CEP135: variants seen among roughly 807,000 people sequenced by gnomAD.
CEP135 encodes the protein centrosomal protein 135, also known as centrosomal protein of 135 kDa.
In CEP135, 142 loss-of-function variants were observed where a neutral mutation model predicts 157.3. The observed-to-expected ratio is 0.90, with a 90% CI of 0.79 to 1.04. The LOEUF (loss-of-function observed/expected upper bound fraction) is 1.04. Among genes scored for constraint, CEP135 ranks in the 50% least tolerant of loss-of-function variants. The pLI is 0.00. For synonymous variants in CEP135, 396 were observed against 439.8 expected, an observed-to-expected ratio of 0.90 and a Z score of 1.25; for missense variants, 1,317 against 1,309.2, an observed-to-expected ratio of 1.01 and a Z score of -0.09.
Position 55,968,559 on chromosome 4 carries a change from T to C in CEP135, c.1045-504T>C, listed in dbSNP as rs1488859537. Among the ~76,000 whole-genome samples the C allele has an allele frequency of 1.3e-5, 2 of 152,158 alleles. 1 individual carries two copies. Among genetic ancestry groups the C allele is most frequent in the South Asian group, 4.1e-4 (2 of 4,830 alleles). On this transcript the variant is annotated intron_variant, in intron 8 of 25. Transcript: ENST00000257287. Reference sequence around the variant, plus strand: ...ATCCCTCTCTTTTTCCACCACCTTTTGCATCTTCTATCCTTGTGCACACAG... The same window carrying C: ...ATCCCTCTCTTTTTCCACCACCTTTCGCATCTTCTATCCTTGTGCACACAG...
At chr4:55,998,624 G>T (rs1730057606) in intron 15 of CEP135, among the ~76,000 whole-genome samples, 1 of 152,174 alleles carries the variant, frequency 6.6e-6, no homozygotes, top group Non-Finnish European at 1.5e-5. Context: ...CAGCACTTTG[G>T]GAGACCGAGG....
At chr4:55,977,849 A>G (rs1198441748) in intron 11 of CEP135, among the ~76,000 whole-genome samples, 2 of 152,218 alleles carry the variant, frequency 1.3e-5, no homozygotes, top group Non-Finnish European at 2.9e-5. Flanking sequence ...ACATCTAGTT[A>G]CCGGTGAATG....
rs1273914128 is a variant in CEP135, at chr4:55,959,763, G to A, written c.696G>A (p.Lys232=). The change falls in exon 6 of 26, where the codon AAG becomes AAA. Residue 232 remains lysine, a synonymous_variant. Coordinates refer to ENST00000257287, the MANE Select transcript of CEP135 (RefSeq NM_025009.5). The stretch of plus-strand genomic sequence containing the variant: ...AAAGTGGGGTGAGAGACTATAGCAA[G>A]CAGGTAGGATTTTTATTTACTTGCA... ...MMESGVRDYS[K]QIELREREIE... The A allele has an allele frequency of 6.2e-7, 1 of 1,612,048 alleles. No individual in the cohort carries two copies. The highest frequency in any genetic ancestry group is 8.5e-7 in the Non-Finnish European group (1 of 1,178,126).
rs538499301 is a variant in CEP135, at chr4:55,981,842, A to G, written c.1779+463A>G. On this transcript the variant is annotated intron_variant, in intron 13 of 25. Coordinates refer to ENST00000257287, the MANE Select transcript of CEP135 (RefSeq NM_025009.5). ...GGGATTACATTCCAATAAACCCATC[A>G]TAAGTAAAAAATGTAAGTCGGAAAA... Among the ~76,000 whole-genome samples, 44 of 152,328 alleles carry G rather than the reference A, an allele frequency of 2.9e-4. No individual in the cohort carries two copies. In the South Asian group the frequency reaches 8.7e-3, roughly 30 times the overall value.
At chr4:55,992,658 C>G (rs141740749) in intron 15 of CEP135, among the ~76,000 whole-genome samples, 1 of 151,884 alleles carries the variant, frequency 6.6e-6, no homozygotes, top group Non-Finnish European at 1.5e-5. Context: ...AAAAGGAGAC[C>G]GAGGATCTGG....
chr4:56,001,014 G>A (rs185055295), intron 17 of CEP135, among the ~76,000 whole-genome samples: 12 of 152,176 alleles, frequency 7.9e-5, no homozygotes, highest in Admixed American at 2.0e-4. Context: ...GTCATGTTGA[G>A]CATTTTTTCA....
At chr4:55,985,483 T>G in intron 14 of CEP135, 125 bp downstream of exon 14, 3 of 290,088 alleles carry the variant, frequency 1.0e-5, no homozygotes, top group Non-Finnish European at 1.9e-5. Context: ...TGAGATGGAG[T>G]CTCGCTCTGT....
At chr4:56,023,747 T>G (rs1304534713) in intron 24 of CEP135, among the ~76,000 whole-genome samples, 2 of 142,894 alleles carry the variant, frequency 1.4e-5, no homozygotes, top group Non-Finnish European at 3.0e-5. Context: ...ATATAGTATA[T>G]CATATATAGT....
At chr4:55,971,433 A>G (rs766290384) in intron 10 of CEP135, 25 bp downstream of exon 10, 3 of 1,575,142 alleles carry the variant, frequency 1.9e-6, no homozygotes, top group South Asian at 1.2e-5. Context: ...TTTGATAGCT[A>G]AAGAATGATT....
intron 17 of CEP135, among the ~76,000 whole-genome samples, chr4:56,007,692 G>T (rs1425295376): frequency 6.6e-6 from 1 of 152,098 alleles, no homozygotes; most frequent in Non-Finnish European, 1.5e-5. Context: ...CACTTTTTCC[G>T]GTGTAGAAAC....
rs773540363 is a variant in CEP135, at chr4:56,017,763, A to G, written c.2918A>G (p.Asp973Gly). The G allele has an allele frequency of 6.2e-7, 1 of 1,613,976 alleles. No homozygotes were observed. Among genetic ancestry groups the G allele is most frequent in the South Asian group, 1.1e-5 (1 of 91,078 alleles). Reference protein sequence around the residue: ...QEDEKATVLNDLSSLRELCIK... With the variant: ...QEDEKATVLNGLSSLRELCIK... ...GATGAGAAAGCAACAGTATTAAATG[A>G]CTTGTCATCTCTTAGAGAACTTTGC... Residue 973 changes from aspartate to glycine, a missense_variant, in exon 22 of 26, where the codon GAC (aspartate) becomes GGC (glycine). Asp to Gly is a moderately conservative substitution (Grantham distance 94, BLOSUM62 -1). Coordinates refer to ENST00000257287, the MANE Select transcript of CEP135 (RefSeq NM_025009.5).
chr4:56,014,559 A>G (rs1730705823), intron 21 of CEP135, among the ~76,000 whole-genome samples: 1 of 152,210 alleles, frequency 6.6e-6, no homozygotes, highest in Non-Finnish European at 1.5e-5. Context: ...AACTTGGCTA[A>G]GTTACGGTCT....
At position 55,961,121 on chromosome 4, in the gene CEP135, G is replaced by T. The variant is rs765306958; in HGVS notation, c.699+1355G>T. 1.8e-3 allele frequency among the ~76,000 whole-genome samples: 262 copies of T among 144,092 alleles called. 3 individuals carry two copies. The highest frequency in any genetic ancestry group is 2.7e-3 in the Non-Finnish European group (180 of 65,664). The allele number at this position is 144,092 out of a possible 152,430, so 94.5% of individuals were successfully genotyped here. A position where few individuals can be genotyped will look rare whatever the true frequency, so the allele number is the denominator to read the frequency against. On this transcript the variant is annotated intron_variant, in intron 6 of 25. Transcript: ENST00000257287. ...TGTCTCAAAAAAAAAAAAAAAAAAAGGAAATCATAATGTCAACCCCAAAAA... is the reference window on the plus strand; with the variant it reads ...TGTCTCAAAAAAAAAAAAAAAAAAATGAAATCATAATGTCAACCCCAAAAA...
chr4:56,011,688 A>T (rs141027535), intron 20 of CEP135, 112 bp from the exon 21 acceptor site: 1 of 1,014,896 alleles, frequency 9.9e-7, no homozygotes, highest in Non-Finnish European at 1.4e-6. Flanking sequence ...ACAGATATCT[A>T]ATGCTTCCTA....
At chr4:55,961,101 CAA>C (rs59483327) in intron 6 of CEP135, among the ~76,000 whole-genome samples, 29 of 69,968 alleles carry the variant, frequency 4.1e-4, no homozygotes, top group Non-Finnish European at 7.1e-4. Context: ...GACTCTGTCT[CAA>C]AAAAAAAAAA....
At chr4:55,999,973 T>G (rs1406809128) in intron 17 of CEP135, among the ~76,000 whole-genome samples, 1 of 152,180 alleles carries the variant, frequency 6.6e-6, no homozygotes, top group Non-Finnish European at 1.5e-5. Context: ...GAGGATTGCT[T>G]GAGCTCAGGA....
At position 55,999,559 on chromosome 4, in the gene CEP135, A is replaced by G; in HGVS notation, c.2194A>G (p.Ile732Val). ...AHVMKKTIGV[I>V]DKEKDFLQET... is the part of the protein sequence containing the mutation. ...TGTAATGAAAAAGACCATTGGTGTT[A>G]TTGATAAAGAAAAAGACTTTCTCCA... The change falls in exon 17 of 26, where the codon ATT becomes GTT. Residue 732 changes from isoleucine to valine, a missense_variant. Physicochemically the swap from Ile to Val is conservative, Grantham distance 29. Coordinates refer to ENST00000257287, the MANE Select transcript of CEP135 (RefSeq NM_025009.5). 1.2e-6 allele frequency: 2 copies of G among 1,611,648 alleles called. No homozygotes were observed. Among genetic ancestry groups the G allele is most frequent in the Non-Finnish European group, 1.7e-6 (2 of 1,179,514 alleles).
chr4:56,023,078 T>A (rs1577916051), intron 24 of CEP135, among the ~76,000 whole-genome samples: 1 of 152,018 alleles, frequency 6.6e-6, no homozygotes, highest in East Asian at 1.9e-4. Context: ...AAAAACATTT[T>A]AAAAATTAGC....
At chr4:55,951,188 G>A (rs1728351796) in intron 1 of CEP135, among the ~76,000 whole-genome samples, 2 of 152,212 alleles carry the variant, frequency 1.3e-5, no homozygotes, top group South Asian at 4.1e-4. Flanking sequence ...CCAGTTTGGG[G>A]CTACTATGAG....
Sources: allele counts gnomAD v4.1 joint callset (sites outside exome capture counted in the v4.1 genomes callset), GRCh38; gene constraint gnomAD v4.1.1; transcripts MANE v1.5; gene names NCBI Gene and HGNC (gene_info 2026-07-23, HGNC 2026-07-21).